The following CD5 variants were observed in gnomAD, a reference collection of about 807,000 sequenced individuals.
CD5 encodes T-cell surface glycoprotein CD5.
CD5 carries 36 observed loss-of-function variants against 60.3 expected under a neutral mutation model. The observed-to-expected ratio is 0.60, with a 90% CI of 0.46 to 0.79. The LOEUF (loss-of-function observed/expected upper bound fraction) is 0.79. Among genes scored for constraint, CD5 ranks in the 30% least tolerant of loss-of-function variants. CD5 has a pLI of 0.00. For synonymous variants in CD5, 230 were observed against 257.6 expected, an observed-to-expected ratio of 0.89 and a Z score of 1.03; for missense variants, 540 against 630.6, an observed-to-expected ratio of 0.86 and a Z score of 1.54.
rs186723877 is a variant in CD5, at chr11:61,119,194, C to A, written c.464-40C>A. The A allele has an allele frequency of 5.4e-3, 8,236 of 1,515,622 alleles. 30 individuals are homozygous for A. The highest frequency in any genetic ancestry group is 6.6e-3 in the Non-Finnish European group (7,495 of 1,127,932). 93.9% of individuals were successfully genotyped at this position (1,515,622 alleles called of 1,614,324 possible). On this transcript the variant is annotated intron_variant, in intron 4 of 10. Coordinates refer to ENST00000347785, the MANE Select transcript of CD5 (RefSeq NM_014207.4). Reference sequence around the variant, plus strand: ...CAAGGAGTGCCCAGGAAGCCCTCGGCGCTCAGGGTGGCTCCCCCTCCTGCT... The same window carrying A: ...CAAGGAGTGCCCAGGAAGCCCTCGGAGCTCAGGGTGGCTCCCCCTCCTGCT...
chr11:61,112,630 G>A (rs527649731), intron 1 of CD5, among the ~76,000 whole-genome samples: 5 of 145,776 alleles, frequency 3.4e-5, no homozygotes, highest in South Asian at 4.9e-4. Flanking sequence ...GGCAAGAGAG[G>A]AAGACTCTGT....
Position 61,121,633 on chromosome 11 carries a change from C to A in CD5, c.828C>A (p.Ser276Arg). 6.6e-7 allele frequency: 1 copy of A among 1,524,350 alleles called. No individual in the cohort carries two copies. Among genetic ancestry groups the A allele is most frequent in the Non-Finnish European group, 8.8e-7 (1 of 1,132,000 alleles). The allele number at this position is 1,524,350 out of a possible 1,614,324, so 94.4% of individuals were successfully genotyped here. ...LCSGFQPKVQ[S>R]RLVGGSSICE... ...CAGGTTTCCAGCCCAAGGTGCAGAGCCGTCTGGTGGGGGGCAGCAGCATCT... is the reference window on the plus strand; with the variant it reads ...CAGGTTTCCAGCCCAAGGTGCAGAGACGTCTGGTGGGGGGCAGCAGCATCT... Residue 276 changes from serine (S) to arginine (R), a missense_variant, in exon 6 of 11, where the codon AGC (serine) becomes AGA (arginine). Physicochemically the swap from Ser to Arg is moderately radical, Grantham distance 110. Coordinates refer to ENST00000347785, the MANE Select transcript of CD5 (RefSeq NM_014207.4).
In CD5 at chr11:61,102,615, G is replaced by A. The variant is rs141442067; in HGVS notation, c.55G>A (p.Val19Ile). The change falls in exon 1 of 11, where the codon GTC (valine) becomes ATC (isoleucine). Residue 19 changes from valine to isoleucine, a missense_variant and splice_region_variant. Transcript: ENST00000347785. Reference sequence around the variant, plus strand: ...CACCTTGTACCTGCTGGGGATGCTGGGTGAGTACCCCTCCCAGGTGTCCTG... The same window carrying A: ...CACCTTGTACCTGCTGGGGATGCTGAGTGAGTACCCCTCCCAGGTGTCCTG... The part of the protein sequence containing the change: ...LATLYLLGML[V>I]ASCLGRLSWY... The A allele has an allele frequency of 1.9e-6, 3 of 1,587,150 alleles. No individual in the cohort carries two copies. The highest frequency in any genetic ancestry group is 1.3e-5 in the African/African-American group (1 of 74,434).
chr11:61,118,764 G>A lies in CD5; in HGVS notation c.401-151G>A, dbSNP rs559906840. 7.1e-5 allele frequency: 45 copies of A among 629,548 alleles called. No individual in the cohort carries two copies. The highest frequency in any genetic ancestry group is 6.1e-4 in the African/African-American group (33 of 54,412). The allele number at this position is 629,548 out of a possible 1,614,324, so 39.0% of individuals were successfully genotyped here. A position where few individuals can be genotyped will look rare whatever the true frequency, so the allele number is the denominator to read the frequency against. ...GAAGTGGGGTGGTACTTCCCGCCTC[G>A]CAGGAGGCTTAGAGACAACGTGTGG... On this transcript the variant is annotated intron_variant, in intron 3 of 10. Coordinates refer to ENST00000347785, the MANE Select transcript of CD5 (RefSeq NM_014207.4). This position sits in a 1 kb window ranked among gnomAD's most constrained non-coding sequence, Gnocchi z 4.7.
intron 1 of CD5, among the ~76,000 whole-genome samples, chr11:61,112,951 T>A (rs1275190227): frequency 6.6e-6 from 1 of 152,216 alleles, no homozygotes; most frequent in Non-Finnish European, 1.5e-5. Flanking sequence ...GCACACCTAT[T>A]TTTTAAGAGA....
upstream of CD5, among the ~76,000 whole-genome samples, chr11:61,101,781 CA>C (rs557800234): frequency 6.6e-6 from 1 of 152,042 alleles, no homozygotes; most frequent in African/African-American, 2.4e-5. Flanking sequence ...TTCACACACA[CA>C]TCAACATGGA....
At chr11:61,122,308 GTGGGTGGATGGATGGATGGA>G (rs1861074517) in intron 6 of CD5, among the ~76,000 whole-genome samples, 2 of 89,972 alleles carry the variant, frequency 2.2e-5, no homozygotes, top group African/African-American at 4.2e-5. Flanking sequence ...GGGTGGGTGG[GTGGGTGGATGGATGGATGGA>G]TGGATGGATG....
rs764314803 is a variant in CD5, at chr11:61,118,094, C to T, written c.95-81C>T. Reference sequence around the variant, plus strand: ...CGGGGCAGGAGGGAGCTCAACTGGGCGTCCTAGGGAGAGGGCAGTGAGGGG... The same window carrying T: ...CGGGGCAGGAGGGAGCTCAACTGGGTGTCCTAGGGAGAGGGCAGTGAGGGG... On this transcript the variant is annotated intron_variant, in intron 2 of 10. Coordinates refer to ENST00000347785, the MANE Select transcript of CD5 (RefSeq NM_014207.4). The surrounding 1 kb of genome is among the most constrained non-coding windows in gnomAD (Gnocchi z 4.7). 136 of 1,431,704 alleles carry T rather than the reference C, an allele frequency of 9.5e-5. No homozygotes were observed. The highest frequency in any genetic ancestry group is 1.2e-4 in the Non-Finnish European group (122 of 1,041,308). The allele number at this position is 1,431,704 out of a possible 1,614,324, so 88.7% of individuals were successfully genotyped here.
At chr11:61,103,914 G>A (rs1170229874) in intron 1 of CD5, among the ~76,000 whole-genome samples, 1 of 111,328 alleles carries the variant, frequency 9.0e-6, no homozygotes, top group African/African-American at 3.6e-5. Flanking sequence ...ACTGTGTGTG[G>A]GGGGGGAATG....
chr11:61,095,090 T>C, the CD5 span, among the ~76,000 whole-genome samples: 1 of 152,120 alleles, frequency 6.6e-6, no homozygotes, highest in Non-Finnish European at 1.5e-5. Context: ...CCAAAAGTCC[T>C]GTCCAACCCA....
chr11:61,118,918 C>T lies in CD5; in HGVS notation c.404C>T (p.Pro135Leu). Reference sequence around the variant, plus strand: ...TCACCAGAGTGTCTCATTGCAGAACCCCAGAAGACAACACCTCCAACGACA... The same window carrying T: ...TCACCAGAGTGTCTCATTGCAGAACTCCAGAAGACAACACCTCCAACGACA... The part of the protein sequence containing the change: ...CHSLGLTCLE[P>L]QKTTPPTTRP... The change falls in exon 4 of 11, where the codon CCC becomes CTC. Residue 135 changes from proline to leucine, a missense_variant. By Grantham distance (98) the Pro-to-Leu change is moderately conservative (BLOSUM62 -3). Transcript: ENST00000347785. The surrounding 1 kb of genome is among the most constrained non-coding windows in gnomAD (Gnocchi z 4.7). 6.2e-7 allele frequency: 1 copy of T among 1,613,612 alleles called. No individual in the cohort carries two copies. The highest frequency in any genetic ancestry group is 1.1e-5 in the South Asian group (1 of 91,054).
At chr11:61,109,067 G>A (rs1860813811) in intron 1 of CD5, among the ~76,000 whole-genome samples, 1 of 152,166 alleles carries the variant, frequency 6.6e-6, no homozygotes. Flanking sequence ...TACAAAGCCA[G>A]CCGCCCTGGG....
At chr11:61,110,994 G>A (rs981361487) in intron 1 of CD5, among the ~76,000 whole-genome samples, 4 of 152,170 alleles carry the variant, frequency 2.6e-5, no homozygotes, top group Admixed American at 6.5e-5. Flanking sequence ...GTTCCAGGGC[G>A]ACACTCTAGA....
At position 61,102,504 on chromosome 11, in the gene CD5, A is replaced by G; in HGVS notation, c.-57A>G. 1 of 1,359,612 alleles carries G rather than the reference A, an allele frequency of 7.4e-7. No homozygotes were observed. Among genetic ancestry groups the G allele is most frequent in the Admixed American group, 2.0e-5 (1 of 49,076 alleles). The allele number at this position is 1,359,612 out of a possible 1,614,324, so 84.2% of individuals were successfully genotyped here. Reference sequence around the variant, plus strand: ...CTCTGAGAGCGAGATACCCGGCCAGACACCCTCACCTGCGGTGCCCAGCTG... The same window carrying G: ...CTCTGAGAGCGAGATACCCGGCCAGGCACCCTCACCTGCGGTGCCCAGCTG... On this transcript the variant is annotated 5_prime_UTR_variant, in exon 1 of 11. Transcript: ENST00000347785.
At position 61,118,765 on chromosome 11, in the gene CD5, C is replaced by G; in HGVS notation, c.401-150C>G. On this transcript the variant is annotated intron_variant, in intron 3 of 10. Coordinates refer to ENST00000347785, the MANE Select transcript of CD5 (RefSeq NM_014207.4). The surrounding 1 kb of genome is among the most constrained non-coding windows in gnomAD (Gnocchi z 4.7). ...AAGTGGGGTGGTACTTCCCGCCTCG[C>G]AGGAGGCTTAGAGACAACGTGTGGG... 1.6e-6 allele frequency: 1 copy of G among 631,698 alleles called. No homozygotes were observed. The highest frequency in any genetic ancestry group is 2.7e-5 in the East Asian group (1 of 36,460). The allele number at this position is 631,698 out of a possible 1,614,324, so 39.1% of individuals were successfully genotyped here. A position where few individuals can be genotyped will look rare whatever the true frequency, so the allele number is the denominator to read the frequency against.
At chr11:61,107,916 G>C (rs1157100773) in intron 1 of CD5, among the ~76,000 whole-genome samples, 3 of 152,066 alleles carry the variant, frequency 2.0e-5, no homozygotes, top group Non-Finnish European at 4.4e-5. Context: ...CCTCCTTCTG[G>C]CCCCAGTTTC....
intron 1 of CD5, among the ~76,000 whole-genome samples, chr11:61,103,531 T>G (rs1051198014): frequency 4.7e-5 from 7 of 148,320 alleles, no homozygotes; most frequent in South Asian, 4.1e-4. Context: ...GGTGTGAGTG[T>G]GGGGGAATGC....
rs938301346 is a variant in CD5, at chr11:61,126,386, C to G, written c.*101C>G. ...AATCATGTCCCTATTTCTACCCCGG[C>G]CAGAACATGGACAGAGGCCAGAAGC... On this transcript the variant is annotated 3_prime_UTR_variant, in exon 11 of 11. Transcript: ENST00000347785. 1.3e-5 allele frequency: 2 copies of G among 152,322 alleles called. No individual in the cohort carries two copies. Among genetic ancestry groups the G allele is most frequent in the Admixed American group, 6.5e-5 (1 of 15,290 alleles). 9.4% of individuals were successfully genotyped at this position (152,322 alleles called of 1,614,324 possible). A position where few individuals can be genotyped will look rare whatever the true frequency, so the allele number is the denominator to read the frequency against.
the CD5 span, among the ~76,000 whole-genome samples, chr11:61,096,697 C>A: frequency 1.6e-3 from 244 of 152,342 alleles, no homozygotes; most frequent in African/African-American, 5.5e-3. Context: ...GTTATCATGG[C>A]CCTTACGGTC....
Sources: gnomAD v4.1 joint callset for allele counts (sites outside exome capture counted in the v4.1 genomes callset) on GRCh38, gnomAD v4.1.1 for gene constraint, Gnocchi (gnomAD v3.1) non-coding constraint, MANE v1.5 for transcripts, NCBI Gene and HGNC (gene_info 2026-07-23, HGNC 2026-07-21) for gene names.